Variants in IQGAP2 observed in about 807,000 individuals in gnomAD.
The protein encoded by IQGAP2 is ras GTPase-activating-like protein IQGAP2.
A neutral mutation model predicts 201.3 loss-of-function variants in IQGAP2; 173 were observed. The observed-to-expected ratio is 0.86, with a 90% CI of 0.76 to 0.98. IQGAP2 has a LOEUF of 0.98. Ranked by LOEUF, IQGAP2 falls within the 50% of genes least tolerant of loss-of-function variation. The pLI is 0.00. For synonymous variants in IQGAP2, 675 were observed against 673.9 expected (o/e 1.00, Z -0.03); for missense variants, 1,687 against 1,864.8 (o/e 0.90, Z 1.76).
chr5:76,651,632 TATG>T (rs1402919828), intron 17 of IQGAP2, among the ~76,000 whole-genome samples: 2 of 152,194 alleles, frequency 1.3e-5, no homozygotes, highest in African/African-American at 2.4e-5. Flanking sequence ...AGTATATTTG[TATG>T]ATGTTACCAT....
At chr5:76,430,809 G>A (rs968234008) in intron 1 of IQGAP2, among the ~76,000 whole-genome samples, 4 of 152,182 alleles carry the variant, frequency 2.6e-5, no homozygotes, top group African/African-American at 9.7e-5. Context: ...GGGGGAAAAA[G>A]CATGAACAGT....
At chr5:76,599,388 T>C (rs1747270542) in intron 10 of IQGAP2, among the ~76,000 whole-genome samples, 1 of 152,210 alleles carries the variant, frequency 6.6e-6, no homozygotes, top group South Asian at 2.1e-4. Context: ...AGGACACTCA[T>C]TCATCCTCAA....
chr5:76,570,273 G>A (rs894994613), intron 3 of IQGAP2, among the ~76,000 whole-genome samples: 1 of 152,258 alleles, frequency 6.6e-6, no homozygotes, highest in Non-Finnish European at 1.5e-5. Flanking sequence ...ACACACCCAC[G>A]CCTGTGTACA....
intron 13 of IQGAP2, among the ~76,000 whole-genome samples, chr5:76,614,107 T>G (rs918076241): frequency 1.3e-5 from 2 of 152,208 alleles, no homozygotes; most frequent in African/African-American, 4.8e-5. Context: ...CATGGGGGTT[T>G]GTCTTTGAGG....
At chr5:76,703,921 C>T (rs1177168374) in intron 35 of IQGAP2, among the ~76,000 whole-genome samples, 2 of 152,194 alleles carry the variant, frequency 1.3e-5, no homozygotes, top group African/African-American at 4.8e-5. Flanking sequence ...GGGCTCCATG[C>T]ACTGGAATTA....
chr5:76,652,616 A>G, intron 17 of IQGAP2, 134 bp from the exon 18 acceptor site: 2 of 722,126 alleles, frequency 2.8e-6, no homozygotes, highest in Non-Finnish European at 5.1e-6. Flanking sequence ...GAGGGTGTCC[A>G]GATGAGATCT....
At chr5:76,491,331 C>T (rs540396965) in intron 2 of IQGAP2, among the ~76,000 whole-genome samples, 2 of 152,166 alleles carry the variant, frequency 1.3e-5, no homozygotes, top group Admixed American at 6.5e-5. Context: ...CCTCATACTT[C>T]CTTTAATTAA....
intron 5 of IQGAP2, among the ~76,000 whole-genome samples, chr5:76,582,981 C>CT (rs1392633155): frequency 6.6e-6 from 1 of 152,180 alleles, no homozygotes; most frequent in African/African-American, 2.4e-5. Context: ...TGTGCTGTAG[C>CT]TTTTGGTGTG....
At chr5:76,479,055 G>A (rs1208562039) in intron 2 of IQGAP2, among the ~76,000 whole-genome samples, 1 of 152,058 alleles carries the variant, frequency 6.6e-6, no homozygotes, top group African/African-American at 2.4e-5. Context: ...GCCTGGCCCA[G>A]GAGCCCATAC....
Position 76,536,415 on chromosome 5 carries a change from G to A in IQGAP2, c.147-25981G>A, listed in dbSNP as rs553954739. 2.0e-5 allele frequency among the ~76,000 whole-genome samples: 3 copies of A among 152,000 alleles called. No individual in the cohort carries two copies. In the East Asian group the frequency reaches 5.8e-4, roughly 30 times the overall value. On this transcript the variant is annotated intron_variant, in intron 2 of 35. Coordinates refer to ENST00000274364, the MANE Select transcript of IQGAP2 (RefSeq NM_006633.5). Reference sequence around the variant, plus strand: ...ACAGTTTGGAGGGAAAATGGTTTGGGCAAAAGACTTCCTGTTAAATTGTGT... The same window carrying A: ...ACAGTTTGGAGGGAAAATGGTTTGGACAAAAGACTTCCTGTTAAATTGTGT...
At chr5:76,495,345 T>C (rs74372086) in intron 2 of IQGAP2, among the ~76,000 whole-genome samples, 4,794 of 152,262 alleles carry the variant, frequency 0.031, 277 homozygotes, top group African/African-American at 0.11. Flanking sequence ...GCCTGTTAGG[T>C]AGGACATGGA....
chr5:76,616,157 A>G (rs1748942765), intron 13 of IQGAP2: 1 of 152,456 alleles, frequency 6.6e-6, no homozygotes, highest in Admixed American at 6.5e-5. Flanking sequence ...TGAACTATAT[A>G]TAAATGCCAT....
At chr5:76,680,969 G>T (rs139521396) in intron 28 of IQGAP2, among the ~76,000 whole-genome samples, 1 of 150,774 alleles carries the variant, frequency 6.6e-6, no homozygotes, top group African/African-American at 2.4e-5. Flanking sequence ...AACCAGGTGC[G>T]GTGACACATG....
At chr5:76,641,959 G>T (rs1370244362) in intron 17 of IQGAP2, among the ~76,000 whole-genome samples, 1 of 152,088 alleles carries the variant, frequency 6.6e-6, no homozygotes, top group South Asian at 2.1e-4. Flanking sequence ...TTGTCTTCTT[G>T]TATCTTGCAC....
intron 1 of IQGAP2, among the ~76,000 whole-genome samples, chr5:76,433,390 G>A (rs1752480735): frequency 6.6e-6 from 1 of 152,188 alleles, no homozygotes; most frequent in South Asian, 2.1e-4. Context: ...TCTGCTGAAA[G>A]CCACAGCTCC....
At chr5:76,594,141 A>T (rs576631724) in intron 9 of IQGAP2, among the ~76,000 whole-genome samples, 106 of 152,166 alleles carry the variant, frequency 7.0e-4, no homozygotes, top group Non-Finnish European at 1.2e-3. Flanking sequence ...GTTACTGATG[A>T]TACATGAAGT....
At chr5:76,478,623 T>C (rs1389017485) in intron 2 of IQGAP2, among the ~76,000 whole-genome samples, 1 of 152,134 alleles carries the variant, frequency 6.6e-6, no homozygotes, top group Non-Finnish European at 1.5e-5. Flanking sequence ...CCGGGCCCCC[T>C]TTTTATGTTT....
In IQGAP2 at chr5:76,589,598, AT is replaced by A. The variant is rs1199653165; in HGVS notation, c.527-13del. The A allele has an allele frequency of 1.5e-6, 2 of 1,375,610 alleles. No homozygotes were observed. The highest frequency in any genetic ancestry group is 1.9e-5 in the Admixed American group (1 of 53,922). 85.2% of individuals were successfully genotyped at this position (1,375,610 alleles called of 1,614,324 possible). A position where few individuals can be genotyped will look rare whatever the true frequency, so the allele number is the denominator to read the frequency against. ...GCTTTCTCTGATAATGATTATGATTATTTTGTTCTTTGTTAGAGGAGGAAAT... is the reference window on the plus strand; with the variant it reads ...GCTTTCTCTGATAATGATTATGATTATTTGTTCTTTGTTAGAGGAGGAAAT... On this transcript the variant is annotated splice_polypyrimidine_tract_variant and intron_variant, in intron 6 of 35. Transcript: ENST00000274364.
chr5:76,575,680 T>C lies in IQGAP2; in HGVS notation c.382-13T>C, dbSNP rs779105840. The C allele has an allele frequency of 2.0e-6, 3 of 1,518,574 alleles. No homozygotes were observed. The highest frequency in any genetic ancestry group is 2.7e-6 in the Non-Finnish European group (3 of 1,110,368). The allele number at this position is 1,518,574 out of a possible 1,614,324, so 94.1% of individuals were successfully genotyped here. On this transcript the variant is annotated splice_polypyrimidine_tract_variant and intron_variant, in intron 4 of 35. Transcript: ENST00000274364. ...CAAAACATATAATAAATATTGTTTC[T>C]TTTGTTTTCCAGATATTTTATCCAG...
Sources: gnomAD v4.1 joint callset for allele counts (sites outside exome capture counted in the v4.1 genomes callset) on GRCh38, gnomAD v4.1.1 for gene constraint, MANE v1.5 for transcripts, NCBI Gene and HGNC (gene_info 2026-07-23, HGNC 2026-07-21) for gene names.